Variants in SLC24A3 observed in about 807,000 individuals in gnomAD.
SLC24A3 encodes solute carrier family 24 member 3.
A neutral mutation model predicts 75.8 loss-of-function variants in SLC24A3; 28 were observed. That is an observed-to-expected ratio of 0.37 (90% CI 0.27 to 0.51). SLC24A3 has a LOEUF of 0.51. SLC24A3 is among the 20% of genes least tolerant of loss of function. SLC24A3 has a pLI of 0.94. For missense variants in SLC24A3, 663 were observed against 847.8 expected (o/e 0.78, Z 2.71); for synonymous variants, 372 against 334.1 (o/e 1.11, Z -1.24).
chr20:19,560,026 TC>T, intron 3 of SLC24A3, among the ~76,000 whole-genome samples: 1 of 152,088 alleles, frequency 6.6e-6, no homozygotes, highest in Non-Finnish European at 1.5e-5. Flanking sequence ...TTTACAACAG[TC>T]CTGAATTTTT....
intron 2 of SLC24A3, among the ~76,000 whole-genome samples, chr20:19,325,964 A>G (rs190718613): frequency 1.3e-5 from 2 of 152,056 alleles, no homozygotes; most frequent in Admixed American, 1.3e-4. Context: ...TACACGAAAC[A>G]ACGTTTTGAC....
In SLC24A3 at chr20:19,212,880, G is replaced by A. The variant is rs1251305123; in HGVS notation, c.38G>A (p.Arg13His). Residue 13 changes from arginine (R) to histidine (H), a missense_variant, in exon 1 of 17, where the codon CGC becomes CAC. Around this residue, in one of 2 missense-constraint regions of SLC24A3, gnomAD observed 153 missense variants for 144.2 expected, o/e 1.06. Coordinates refer to ENST00000328041, the MANE Select transcript of SLC24A3 (RefSeq NM_020689.4). ...GGCGACGAGGACCGCGCGCGTCGCCGCCGCCGCCGCCGCCGCCGGAGGGAC... is the reference window on the plus strand; with the variant it reads ...GGCGACGAGGACCGCGCGCGTCGCCACCGCCGCCGCCGCCGCCGGAGGGAC... ...PSGDEDRARRRRRRRRRRDLL... is the reference protein window; with the variant it reads ...PSGDEDRARRHRRRRRRRDLL... The A allele has an allele frequency of 7.8e-7, 1 of 1,274,768 alleles. No homozygotes were observed. Among genetic ancestry groups the A allele is most frequent in the Non-Finnish European group, 9.9e-7 (1 of 1,005,568 alleles). The allele number at this position is 1,274,768 out of a possible 1,614,324, so 79.0% of individuals were successfully genotyped here. A position where few individuals can be genotyped will look rare whatever the true frequency, so the allele number is the denominator to read the frequency against.
intron 2 of SLC24A3, among the ~76,000 whole-genome samples, chr20:19,316,815 G>T (rs1427908652): frequency 6.6e-6 from 1 of 152,146 alleles, no homozygotes; most frequent in Non-Finnish European, 1.5e-5. Flanking sequence ...AGAATCTCTT[G>T]ATTTCTTTTT....
At chr20:19,543,396 A>C (rs2030535347) in intron 3 of SLC24A3, among the ~76,000 whole-genome samples, 1 of 152,238 alleles carries the variant, frequency 6.6e-6, no homozygotes, top group Non-Finnish European at 1.5e-5. Context: ...AAAGCCAAGG[A>C]TGCTAGGCCA....
At chr20:19,327,731 A>T (rs11905860) in intron 2 of SLC24A3, among the ~76,000 whole-genome samples, 1 of 152,056 alleles carries the variant, frequency 6.6e-6, no homozygotes, top group Non-Finnish European at 1.5e-5. Context: ...TCATGGTCTG[A>T]TGCATGGGTG....
At position 19,671,909 on chromosome 20, in the gene SLC24A3, G is replaced by A. The variant is rs116238498; in HGVS notation, c.714-1692G>A. ...TAATGAGAGGATGAACTGAAGGAGTGGAGGAGGCAAAGGAGATGGAGAAGG... is the reference window on the plus strand; with the variant it reads ...TAATGAGAGGATGAACTGAAGGAGTAGAGGAGGCAAAGGAGATGGAGAAGG... On this transcript the variant is annotated intron_variant, in intron 8 of 16. Coordinates refer to ENST00000328041, the MANE Select transcript of SLC24A3 (RefSeq NM_020689.4). 6.8e-3 allele frequency among the ~76,000 whole-genome samples: 1,042 copies of A among 152,156 alleles called. 10 individuals are homozygous for A. The highest frequency in any genetic ancestry group is 0.024 in the African/African-American group (983 of 41,504).
At chr20:19,687,614 C>T (rs919548217) in intron 12 of SLC24A3, among the ~76,000 whole-genome samples, 3 of 152,198 alleles carry the variant, frequency 2.0e-5, no homozygotes, top group Non-Finnish European at 4.4e-5. Flanking sequence ...CTGTAAGTGA[C>T]CAAGTTCTAT....
At chr20:19,541,526 G>A (rs1428643064) in intron 3 of SLC24A3, among the ~76,000 whole-genome samples, 1 of 152,204 alleles carries the variant, frequency 6.6e-6, no homozygotes, top group Admixed American at 6.5e-5. Context: ...GATTGGTGTA[G>A]TCTAAGGATG....
intron 15 of SLC24A3, among the ~76,000 whole-genome samples, chr20:19,713,065 T>G (rs1298156482): frequency 6.6e-6 from 1 of 152,226 alleles, no homozygotes; most frequent in African/African-American, 2.4e-5. Flanking sequence ...CAGAACCTGT[T>G]GAATGGTACA....
rs375255879 is a variant in SLC24A3 at position 19,684,348 on chromosome 20, A to G, written c.1062+12A>G. The G allele has an allele frequency of 3.6e-5, 58 of 1,611,292 alleles. No individual in the cohort carries two copies. The African/African-American group carries it at 6.5e-4, about 18-fold the overall frequency. ...TGTTGATCAATGAGGTACCTGGGAA[A>G]GCACTGTCCACTGCCCACTGGACAG... On this transcript the variant is annotated intron_variant, in intron 11 of 16. Coordinates refer to ENST00000328041, the MANE Select transcript of SLC24A3 (RefSeq NM_020689.4).
At chr20:19,413,946 T>C (rs976839892) in intron 2 of SLC24A3, among the ~76,000 whole-genome samples, 2 of 152,182 alleles carry the variant, frequency 1.3e-5, no homozygotes, top group African/African-American at 2.4e-5. Flanking sequence ...ATTCCTAATA[T>C]ATAAAGAATG....
intron 2 of SLC24A3, among the ~76,000 whole-genome samples, chr20:19,320,218 G>T (rs950716322): frequency 6.6e-6 from 1 of 152,166 alleles, no homozygotes; most frequent in African/African-American, 2.4e-5. Context: ...TCCAGGCTTT[G>T]TCATTTGGAG....
intron 7 of SLC24A3, among the ~76,000 whole-genome samples, chr20:19,654,641 CTTTTTTTTTTTT>C (rs34507566): frequency 1.2e-4 from 11 of 89,950 alleles, no homozygotes; most frequent in South Asian, 4.0e-4. Context: ...AAATAGAATC[CTTTTTTTTTTTT>C]TTTTTTTTTT....
At chr20:19,234,331 T>A (rs1216313672) in intron 1 of SLC24A3, among the ~76,000 whole-genome samples, 1 of 152,218 alleles carries the variant, frequency 6.6e-6, no homozygotes, top group East Asian at 1.9e-4. Context: ...TTGGCATGTA[T>A]TGCCTGTGAA....
At chr20:19,328,164 G>A (rs762655594) in intron 2 of SLC24A3, among the ~76,000 whole-genome samples, 17 of 152,060 alleles carry the variant, frequency 1.1e-4, no homozygotes, top group Non-Finnish European at 1.8e-4. Context: ...ATGGAAGCAC[G>A]CTTGGTGTGT....
chr20:19,346,505 T>A (rs1041983471), intron 2 of SLC24A3, among the ~76,000 whole-genome samples: 1 of 150,930 alleles, frequency 6.6e-6, no homozygotes, highest in Non-Finnish European at 1.5e-5. Context: ...AATGGCATAA[T>A]GAAAAGGAAT....
At chr20:19,467,038 A>G (rs1301108887) in intron 2 of SLC24A3, among the ~76,000 whole-genome samples, 12 of 152,248 alleles carry the variant, frequency 7.9e-5, no homozygotes. Context: ...GGTAATTGCT[A>G]TGAAAAGAAT....
intron 1 of SLC24A3, among the ~76,000 whole-genome samples, chr20:19,232,276 A>C (rs902694806): frequency 6.6e-6 from 1 of 152,184 alleles, no homozygotes; most frequent in Non-Finnish European, 1.5e-5. Flanking sequence ...GTGACATTCT[A>C]TTTATTTTGT....
chr20:19,575,655 G>A (rs1378767905), intron 3 of SLC24A3, among the ~76,000 whole-genome samples: 1 of 152,246 alleles, frequency 6.6e-6, no homozygotes, highest in Non-Finnish European at 1.5e-5. Flanking sequence ...ACCGGCTGCT[G>A]TAGCCAAGCC....
Sources: allele counts gnomAD v4.1 joint callset (sites outside exome capture counted in the v4.1 genomes callset), GRCh38; gene constraint gnomAD v4.1.1; regional missense constraint gnomAD v4.1.1; transcripts MANE v1.5; gene names NCBI Gene and HGNC (gene_info 2026-07-23, HGNC 2026-07-21).